CA1: variants seen among roughly 807,000 people sequenced by gnomAD.
CA1 encodes carbonate dehydratase I.
Under a neutral mutation model 28.8 loss-of-function variants are expected in CA1, and 27 were observed. The observed-to-expected ratio is 0.94, with a 90% CI of 0.69 to 1.29. The LOEUF (loss-of-function observed/expected upper bound fraction) is 1.29, where lower values mean the gene tolerates loss of function less well. CA1 is among the 50% of genes most tolerant of loss of function. The probability of loss-of-function intolerance (pLI) is 0.00; values close to 1 mark genes in which losing one functional copy is unlikely to be tolerated. For missense variants in CA1, 335 were observed against 310.5 expected, an observed-to-expected ratio of 1.08 and a Z score of -0.59; for synonymous variants, 121 against 108.8, an observed-to-expected ratio of 1.11 and a Z score of -0.70.
chr8:85,343,981 C>A (rs12544332), intron 1 of CA1, among the ~76,000 whole-genome samples: 85,196 of 148,988 alleles, frequency 0.57, 24,712 homozygotes, highest in Middle Eastern at 0.61. Flanking sequence ...CTTTCACCAA[C>A]AGTTTCCTCC....
chr8:85,359,539 C>T (rs1809718196), intron 1 of CA1, among the ~76,000 whole-genome samples: 2 of 152,158 alleles, frequency 1.3e-5, no homozygotes, highest in African/African-American at 2.4e-5. Flanking sequence ...CAGGACCCTT[C>T]TTGTATTAAT....
Position 85,336,938 on chromosome 8 carries a change from A to G in CA1, c.354+7T>C. ...GTAATTATCTCTCACTTACTAAATT[A>G]CATTACCTCGGCAGAATATTTGACT... On this transcript the variant is annotated splice_region_variant and intron_variant, in intron 4 of 7. Coordinates refer to ENST00000523022, the MANE Select transcript of CA1 (RefSeq NM_001128831.4). 6.6e-7 allele frequency: 1 copy of G among 1,523,728 alleles called. No homozygotes were observed. Among genetic ancestry groups the G allele is most frequent in the Non-Finnish European group, 9.1e-7 (1 of 1,097,728 alleles). The allele number at this position is 1,523,728 out of a possible 1,614,324, so 94.4% of individuals were successfully genotyped here. A position where few individuals can be genotyped will look rare whatever the true frequency, so the allele number is the denominator to read the frequency against.
chr8:85,368,229 G>T (rs190449936), intron 1 of CA1, among the ~76,000 whole-genome samples: 1 of 151,886 alleles, frequency 6.6e-6, no homozygotes, highest in Non-Finnish European at 1.5e-5. Context: ...GTGCAGTGGC[G>T]CAATCTTGGC....
chr8:85,365,599 T>G (rs917468305), intron 1 of CA1, among the ~76,000 whole-genome samples: 6 of 152,244 alleles, frequency 3.9e-5, no homozygotes, highest in African/African-American at 9.6e-5. Flanking sequence ...TTATGCACTT[T>G]GCTTGTGTTA....
chr8:85,342,032 G>A (rs1017536809), intron 1 of CA1, among the ~76,000 whole-genome samples: 3 of 151,960 alleles, frequency 2.0e-5, no homozygotes, highest in Non-Finnish European at 2.9e-5. Context: ...CTCTACCTTT[G>A]TTAGTTACCT....
intron 6 of CA1, among the ~76,000 whole-genome samples, chr8:85,331,774 A>C (rs999910420): frequency 1.3e-5 from 2 of 151,628 alleles, no homozygotes; most frequent in Non-Finnish European, 1.5e-5. Flanking sequence ...TTTCTTTCTT[A>C]TTTTATTCTT....
intron 2 of CA1, among the ~76,000 whole-genome samples, chr8:85,339,676 T>C (rs1325087336): frequency 2.0e-5 from 3 of 152,218 alleles, no homozygotes; most frequent in African/African-American, 7.2e-5. Flanking sequence ...CTTGTGCCAG[T>C]TAGTCAAGCC....
At chr8:85,334,139 GTATTCTTGATA>G (rs1414194462) in intron 4 of CA1, among the ~76,000 whole-genome samples, 4 of 152,162 alleles carry the variant, frequency 2.6e-5, no homozygotes, top group African/African-American at 4.8e-5. Flanking sequence ...ATGTATATAT[GTATTCTTGATA>G]TATTCTTGAT....
intron 1 of CA1, among the ~76,000 whole-genome samples, chr8:85,364,616 G>A (rs1809932001): frequency 6.6e-6 from 1 of 152,144 alleles, no homozygotes; most frequent in African/African-American, 2.4e-5. Flanking sequence ...AAACCATCTG[G>A]AACTAAAGTA....
intron 1 of CA1, chr8:85,343,290 C>T (rs1197886552): frequency 1.3e-5 from 2 of 152,132 alleles, no homozygotes; most frequent in Non-Finnish European, 2.9e-5. Flanking sequence ...GGTGAAGACA[C>T]CTCCTCAGAG....
intron 1 of CA1, among the ~76,000 whole-genome samples, chr8:85,362,526 C>T (rs1809837597): frequency 6.6e-6 from 1 of 151,864 alleles, no homozygotes; most frequent in Admixed American, 6.6e-5. Context: ...TGATTTTTGG[C>T]CCTGGGTGTA....
At chr8:85,357,710 A>G (rs781505670) in intron 1 of CA1, among the ~76,000 whole-genome samples, 7 of 152,234 alleles carry the variant, frequency 4.6e-5, no homozygotes, top group Non-Finnish European at 8.8e-5. Context: ...ATTGAAACCT[A>G]TTAGGCTGGA....
intron 1 of CA1, among the ~76,000 whole-genome samples, chr8:85,362,899 TA>T (rs887627416): frequency 1.2e-4 from 19 of 152,274 alleles, no homozygotes; most frequent in Admixed American, 2.6e-4. Flanking sequence ...AAGAAGCAAT[TA>T]AAAAAACTAA....
At chr8:85,374,101 G>T (rs1200260777) in intron 1 of CA1, among the ~76,000 whole-genome samples, 1 of 151,908 alleles carries the variant, frequency 6.6e-6, no homozygotes, top group African/African-American at 2.4e-5. Context: ...ACCACAAAAA[G>T]AATACAAAAT....
At chr8:85,346,457 A>G (rs1361033908) in intron 1 of CA1, among the ~76,000 whole-genome samples, 2 of 152,206 alleles carry the variant, frequency 1.3e-5, no homozygotes, top group African/African-American at 4.8e-5. Flanking sequence ...ACATGCATTA[A>G]TGATTTATAA....
chr8:85,345,883 T>C (rs1457097246), intron 1 of CA1, among the ~76,000 whole-genome samples: 2 of 152,314 alleles, frequency 1.3e-5, no homozygotes, highest in East Asian at 1.9e-4. Context: ...TTTGACACTT[T>C]GTAAGTGTCA....
chr8:85,333,873 A>G (rs1406034248), intron 4 of CA1, among the ~76,000 whole-genome samples: 1 of 152,098 alleles, frequency 6.6e-6, no homozygotes, highest in Non-Finnish European at 1.5e-5. Context: ...ATTTAATATT[A>G]CTCCTTTAAA....
chr8:85,364,088 AC>A (rs2130360239), intron 1 of CA1, among the ~76,000 whole-genome samples: 1 of 151,930 alleles, frequency 6.6e-6, no homozygotes, highest in African/African-American at 2.4e-5. Flanking sequence ...CGATCTGCCC[AC>A]CTTGGCCTCC....
chr8:85,360,619 G>A (rs1809757929), intron 1 of CA1, among the ~76,000 whole-genome samples: 1 of 152,158 alleles, frequency 6.6e-6, no homozygotes, highest in Non-Finnish European at 1.5e-5. Context: ...CTTGAGCCTG[G>A]GAGGTCAAAG....
Sources: gnomAD v4.1 joint callset for allele counts (sites outside exome capture counted in the v4.1 genomes callset) on GRCh38, gnomAD v4.1.1 for gene constraint, MANE v1.5 for transcripts, NCBI Gene and HGNC (gene_info 2026-07-23, HGNC 2026-07-21) for gene names.